The following STK3 variants were observed in gnomAD, a reference collection of about 807,000 sequenced individuals.
The protein encoded by STK3 is serine/threonine kinase 3.
Under a neutral mutation model 58.0 loss-of-function variants are expected in STK3, and 41 were observed. The observed-to-expected ratio is 0.71, with a 90% CI of 0.55 to 0.92. The LOEUF is 0.92. Ranked by LOEUF, STK3 falls within the 40% of genes least tolerant of loss-of-function variation. The pLI is 0.00. For missense variants in STK3, 479 were observed against 602.7 expected, an observed-to-expected ratio of 0.79 and a Z score of 2.15; for synonymous variants, 170 against 191.0, an observed-to-expected ratio of 0.89 and a Z score of 0.91.
chr8:98,690,462 A>AAAACAACC (rs937936363), intron 6 of STK3, among the ~76,000 whole-genome samples: 2 of 151,660 alleles, frequency 1.3e-5, no homozygotes, highest in African/African-American at 4.8e-5. Context: ...AAAAAAAAAA[A>AAAACAACC]AAACAACCTA....
chr8:98,464,540 T>TAAAAACAAAAAAA (rs1820279321), intron 10 of STK3, among the ~76,000 whole-genome samples: 1 of 69,228 alleles, frequency 1.4e-5, no homozygotes, highest in Non-Finnish European at 2.6e-5. Flanking sequence ...TACTTAAAGT[T>TAAAAACAAAAAAA]AAAAAAAAAA....
intron 6 of STK3, chr8:98,597,834 A>C: frequency 2.0e-6 from 2 of 985,306 alleles, no homozygotes; most frequent in Non-Finnish European, 2.4e-6. Flanking sequence ...AAAAAAAAAA[A>C]AACACATATG....
intron 10 of STK3, among the ~76,000 whole-genome samples, chr8:98,525,508 A>G (rs1388637073): frequency 1.3e-5 from 2 of 152,134 alleles, no homozygotes; most frequent in African/African-American, 4.8e-5. Flanking sequence ...CATTATATTC[A>G]TGAATAATTT....
intron 3 of STK3, among the ~76,000 whole-genome samples, chr8:98,851,398 G>T (rs1331953487): frequency 6.6e-6 from 1 of 152,170 alleles, no homozygotes; most frequent in African/African-American, 2.4e-5. Flanking sequence ...AAAGACAGAG[G>T]TTGCAGAGTC....
intron 6 of STK3, among the ~76,000 whole-genome samples, chr8:98,672,499 T>C (rs1822906228): frequency 6.6e-6 from 1 of 152,194 alleles, no homozygotes; most frequent in Admixed American, 6.5e-5. Context: ...TTACATAAAA[T>C]CTCTCATCTA....
chr8:98,457,241 T>C (rs1057233039), intron 10 of STK3, among the ~76,000 whole-genome samples: 20 of 152,250 alleles, frequency 1.3e-4, no homozygotes, highest in African/African-American at 4.6e-4. Flanking sequence ...TCATTGATTT[T>C]TAATCCAAGT....
chr8:98,757,288 C>G (rs889518780), intron 3 of STK3, among the ~76,000 whole-genome samples: 8 of 150,472 alleles, frequency 5.3e-5, no homozygotes, highest in African/African-American at 2.0e-4. Flanking sequence ...TCAAGCGATT[C>G]GCCTGCCTCA....
At chr8:98,755,917 G>A (rs1300879182) in intron 3 of STK3, among the ~76,000 whole-genome samples, 1 of 152,012 alleles carries the variant, frequency 6.6e-6, no homozygotes, top group Admixed American at 6.6e-5. Flanking sequence ...CGAGGCAGGC[G>A]AATCATGAGG....
intron 4 of STK3, chr8:98,722,929 T>C (rs775874009): frequency 1.0e-5 from 5 of 500,364 alleles, no homozygotes; most frequent in Non-Finnish European, 2.0e-5. Flanking sequence ...CATTCTCAAA[T>C]CACAGCTAGC....
intron 8 of STK3, among the ~76,000 whole-genome samples, chr8:98,573,929 A>T (rs1474779136): frequency 6.6e-6 from 1 of 152,118 alleles, no homozygotes; most frequent in Non-Finnish European, 1.5e-5. Flanking sequence ...AGAAGCGCCG[A>T]GCAAAGAGGG....
chr8:98,580,187 T>C (rs781646610), intron 7 of STK3, among the ~76,000 whole-genome samples: 6 of 152,226 alleles, frequency 3.9e-5, no homozygotes, highest in African/African-American at 7.2e-5. Context: ...TCTTAATAAG[T>C]TGACAGCCAA....
At chr8:98,431,709 A>T (rs1818334084) in intron 3 of STK3, 1 of 167,088 alleles carries the variant, frequency 6.0e-6, no homozygotes, top group South Asian at 2.1e-4. Flanking sequence ...AAAAAGAGGT[A>T]CCCTAGTGGT....
intron 7 of STK3, among the ~76,000 whole-genome samples, chr8:98,590,594 G>C (rs918809612): frequency 6.6e-6 from 1 of 152,186 alleles, no homozygotes; most frequent in African/African-American, 2.4e-5. Flanking sequence ...CCCAAGGGAG[G>C]CCCCCCGATC....
intron 1 of STK3, among the ~76,000 whole-genome samples, chr8:98,895,177 A>T (rs1314071818): frequency 6.6e-6 from 1 of 152,162 alleles, no homozygotes; most frequent in East Asian, 1.9e-4. Context: ...ATTAAAGTGT[A>T]TGGTATGGCG....
chr8:98,893,474 G>T (rs1407656946), intron 1 of STK3, among the ~76,000 whole-genome samples: 1 of 65,250 alleles, frequency 1.5e-5, no homozygotes, highest in Non-Finnish European at 2.8e-5. Context: ...AAGAAAGAAA[G>T]AAAGAAAGAA....
At chr8:98,424,539 G>T (rs560966189) in intron 3 of STK3, among the ~76,000 whole-genome samples, 79 of 152,318 alleles carry the variant, frequency 5.2e-4, no homozygotes, top group Non-Finnish European at 9.8e-4. Context: ...CCCAGGCAGA[G>T]CCTGGTCTGC....
At chr8:98,720,165 G>A (rs1223712684) in intron 4 of STK3, among the ~76,000 whole-genome samples, 1 of 152,174 alleles carries the variant, frequency 6.6e-6, no homozygotes, top group East Asian at 1.9e-4. Flanking sequence ...ACAATAAACA[G>A]GTGGAGAAAT....
chr8:98,509,222 T>A (rs889882729), intron 10 of STK3, among the ~76,000 whole-genome samples: 1 of 152,036 alleles, frequency 6.6e-6, no homozygotes, highest in East Asian at 1.9e-4. Context: ...GTTTCTTGGG[T>A]GGTTCTTTAA....
chr8:98,796,607 G>T (rs1833180265), intron 1 of STK3, among the ~76,000 whole-genome samples: 1 of 152,132 alleles, frequency 6.6e-6, no homozygotes, highest in African/African-American at 2.4e-5. Flanking sequence ...CTGACAAGTG[G>T]GACCTAATTA....
Sources: gnomAD v4.1 joint callset for allele counts (sites outside exome capture counted in the v4.1 genomes callset) on GRCh38, gnomAD v4.1.1 for gene constraint, MANE v1.5 for transcripts, NCBI Gene and HGNC (gene_info 2026-07-23, HGNC 2026-07-21) for gene names.